CDHR3: variants seen among roughly 807,000 people sequenced by gnomAD.
CDHR3 encodes cadherin related family member 3.
A neutral mutation model predicts 86.6 loss-of-function variants in CDHR3; 79 were observed. The ratio of observed to expected loss-of-function variants is 0.91; its 90% CI spans 0.76 to 1.10. The LOEUF (loss-of-function observed/expected upper bound fraction) is 1.10. Ranked by LOEUF, CDHR3 falls within the 50% of genes least tolerant of loss-of-function variation. CDHR3 has a pLI of 0.00. For synonymous variants in CDHR3, 421 were observed against 402.4 expected, an observed-to-expected ratio of 1.05 and a Z score of -0.55; for missense variants, 1,081 against 1,077.6, an observed-to-expected ratio of 1.00 and a Z score of -0.04.
chr7:105,992,057 C>A (rs768242394), intron 4 of CDHR3, among the ~76,000 whole-genome samples: 1 of 152,202 alleles, frequency 6.6e-6, no homozygotes, highest in Non-Finnish European at 1.5e-5. Flanking sequence ...AAGAGTCCTT[C>A]TTCTCAGTTC....
intron 9 of CDHR3, 108 bp from the exon 10 acceptor site, chr7:106,015,003 G>T: frequency 1.2e-6 from 1 of 811,704 alleles, no homozygotes. Context: ...TTTGCCAAAA[G>T]CGTTTTGCCA....
intron 12 of CDHR3, among the ~76,000 whole-genome samples, chr7:106,018,644 G>T (rs746921250): frequency 4.6e-5 from 7 of 152,156 alleles, no homozygotes; most frequent in Non-Finnish European, 8.8e-5. Flanking sequence ...GTGGGACAAG[G>T]TTCCTCTTGT....
At position 106,028,562 on chromosome 7, in the gene CDHR3, G is replaced by A. The variant is rs1442406712; in HGVS notation, c.2284G>A (p.Ala762Thr). ...PLTKKGETKTAERDVVVETIQ... is the reference protein window; with the variant it reads ...PLTKKGETKTTERDVVVETIQ... Reference sequence around the variant, plus strand: ...TCTGTTCTCTGCAGAAACGAAGACTGCAGAGAGAGACGTCGTGGTGGTGAG... The same window carrying A: ...TCTGTTCTCTGCAGAAACGAAGACTACAGAGAGAGACGTCGTGGTGGTGAG... Residue 762 changes from alanine to threonine, a missense_variant, in exon 17 of 19, where the codon GCA (alanine) becomes ACA (threonine). Physicochemically the swap from Ala to Thr is moderately conservative, Grantham distance 58. Coordinates refer to ENST00000317716, the MANE Select transcript of CDHR3 (RefSeq NM_152750.5). 6.2e-7 allele frequency: 1 copy of A among 1,613,978 alleles called. No homozygotes were observed. The highest frequency in any genetic ancestry group is 1.1e-5 in the South Asian group (1 of 91,076).
At chr7:105,978,437 G>A (rs574455476) in intron 2 of CDHR3, among the ~76,000 whole-genome samples, 5 of 152,176 alleles carry the variant, frequency 3.3e-5, no homozygotes, top group South Asian at 2.1e-4. Flanking sequence ...AAATGTGCTC[G>A]GCCTTATCCA....
At chr7:105,969,397 C>CAAAAAAA in intron 1 of CDHR3, among the ~76,000 whole-genome samples, 1 of 79,818 alleles carries the variant, frequency 1.3e-5, no homozygotes, top group Non-Finnish European at 2.2e-5. Context: ...GACTCCGTCT[C>CAAAAAAA]AAAAAAAAAA....
At chr7:105,991,573 C>A (rs1831365477) in intron 4 of CDHR3, among the ~76,000 whole-genome samples, 1 of 152,138 alleles carries the variant, frequency 6.6e-6, no homozygotes, top group South Asian at 2.1e-4. Context: ...GATTTTAAAG[C>A]CAAGTCTAGC....
Position 106,034,810 on chromosome 7 carries a change from G to T in CDHR3, c.*2113G>T, listed in dbSNP as rs1838775491. Reference sequence around the variant, plus strand: ...ATGATTAAAAGGGCCGGGTGAGGTGGCTCATGCCTGTAATCCCAGCACTCT... The same window carrying T: ...ATGATTAAAAGGGCCGGGTGAGGTGTCTCATGCCTGTAATCCCAGCACTCT... On this transcript the variant is annotated 3_prime_UTR_variant, in exon 19 of 19. Transcript: ENST00000317716. Among the ~76,000 whole-genome samples the T allele has an allele frequency of 6.6e-6, 1 of 152,228 alleles. No individual in the cohort carries two copies. Among genetic ancestry groups the T allele is most frequent in the Admixed American group, 6.5e-5 (1 of 15,292 alleles).
Position 106,020,535 on chromosome 7 carries a change from A to G in CDHR3, c.1816A>G (p.Ile606Val), listed in dbSNP as rs2115878342. The change falls in exon 13 of 19, where the codon ATT becomes GTT. Residue 606 changes from isoleucine to valine, a missense_variant. Physicochemically the swap from Ile to Val is conservative, Grantham distance 29 (BLOSUM62 3). Coordinates refer to ENST00000317716, the MANE Select transcript of CDHR3 (RefSeq NM_152750.5). The stretch of plus-strand genomic sequence containing the variant: ...CAGCCCCAGATCTTTCCGTTATTCC[A>G]TTGGCCCAGGTATAGTACTTGGTGT... ...DSSPRSFRYSIGPGNVNNHFT... is the reference protein window; with the variant it reads ...DSSPRSFRYSVGPGNVNNHFT... 6.2e-7 allele frequency: 1 copy of G among 1,613,460 alleles called. No homozygotes were observed. Among genetic ancestry groups the G allele is most frequent in the Non-Finnish European group, 8.5e-7 (1 of 1,179,560 alleles).
intron 4 of CDHR3, among the ~76,000 whole-genome samples, chr7:105,994,441 T>C (rs796369906): frequency 1.1e-4 from 17 of 152,184 alleles, no homozygotes; most frequent in African/African-American, 4.1e-4. Context: ...AACACAGTGA[T>C]AGGGATAAGA....
chr7:106,012,223 A>G (rs968289540), intron 8 of CDHR3, among the ~76,000 whole-genome samples: 1 of 152,208 alleles, frequency 6.6e-6, no homozygotes, highest in Non-Finnish European at 1.5e-5. Context: ...CAGAATAAAT[A>G]AGAGAAATAT....
chr7:105,979,313 T>A (rs1829286085), intron 2 of CDHR3, among the ~76,000 whole-genome samples: 1 of 152,158 alleles, frequency 6.6e-6, no homozygotes, highest in African/African-American at 2.4e-5. Context: ...GACCAGTTCA[T>A]CTACACTTAC....
chr7:105,987,010 T>C (rs554229360), intron 4 of CDHR3, among the ~76,000 whole-genome samples: 1 of 152,328 alleles, frequency 6.6e-6, no homozygotes, highest in African/African-American at 2.4e-5. Context: ...GTGGAAAGAA[T>C]TTCAGTTGTG....
intron 16 of CDHR3, 117 bp from the exon 17 acceptor site, chr7:106,028,434 T>A (rs1311812606): frequency 9.0e-7 from 1 of 1,113,512 alleles, no homozygotes; most frequent in Non-Finnish European, 1.3e-6. Flanking sequence ...AATTCTTTGC[T>A]GTGTCTGCAA....
In CDHR3 at chr7:106,017,908, T is replaced by C; in HGVS notation, c.1489T>C (p.Tyr497His). 1 of 1,609,584 alleles carries C rather than the reference T, an allele frequency of 6.2e-7. No homozygotes were observed. The highest frequency in any genetic ancestry group is 1.7e-4 in the Middle Eastern group (1 of 6,040). Residue 497 changes from tyrosine to histidine, a missense_variant, in exon 12 of 19, where the codon TAC (tyrosine) becomes CAC (histidine). Transcript: ENST00000317716. ...DKDLPQSSLL[Y>H]SISTGGASLQ... ...AGACCTCCCCCAGAGCAGCCTCCTGTACTCCATCTCCACTGGAGGGGCCAG... is the reference window on the plus strand; with the variant it reads ...AGACCTCCCCCAGAGCAGCCTCCTGCACTCCATCTCCACTGGAGGGGCCAG...
chr7:106,025,255 A>G (rs1837185803), intron 15 of CDHR3, among the ~76,000 whole-genome samples: 1 of 152,192 alleles, frequency 6.6e-6, no homozygotes, highest in African/African-American at 2.4e-5. Flanking sequence ...AGCTCTTACA[A>G]CTTACAGCTT....
rs1836702272 is a variant in CDHR3, at chr7:106,022,368, G to C, written c.1996G>C (p.Ala666Pro). Reference sequence around the variant, plus strand: ...GATGTCTGACAGGAAGAAAGCGGAGGCTCTTGTTGAGACAGGAACAGTGAC... The same window carrying C: ...GATGTCTGACAGGAAGAAAGCGGAGCCTCTTGTTGAGACAGGAACAGTGAC... ...NLMSDRKKAEALVETGTVTLS... is the reference protein window; with the variant it reads ...NLMSDRKKAEPLVETGTVTLS... The change falls in exon 14 of 19, where the codon GCT becomes CCT. Residue 666 changes from alanine to proline, a missense_variant. Ala to Pro is a conservative substitution (Grantham distance 27). Transcript: ENST00000317716. The C allele has an allele frequency of 6.2e-7, 1 of 1,613,866 alleles. No individual in the cohort carries two copies. Among genetic ancestry groups the C allele is most frequent in the Non-Finnish European group, 8.5e-7 (1 of 1,179,886 alleles).
At chr7:106,015,838 C>T (rs1327367209) in intron 10 of CDHR3, 89 bp from the exon 11 acceptor site, 1 of 977,474 alleles carries the variant, frequency 1.0e-6, no homozygotes, top group African/African-American at 1.6e-5. Context: ...TGCGCAAAGC[C>T]TGTACACAGG....
intron 1 of CDHR3, among the ~76,000 whole-genome samples, chr7:105,969,644 A>G (rs1304167067): frequency 1.3e-5 from 2 of 152,304 alleles, no homozygotes; most frequent in East Asian, 3.9e-4. Flanking sequence ...TTGTGCATAC[A>G]TTGGCTGTTC....
intron 9 of CDHR3, among the ~76,000 whole-genome samples, chr7:106,013,983 C>A (rs1245825987): frequency 1.3e-5 from 2 of 151,810 alleles, no homozygotes; most frequent in African/African-American, 4.8e-5. Context: ...TTTTAAGAGA[C>A]CATGTCTCGC....
Sources: gnomAD v4.1 joint callset for allele counts (sites outside exome capture counted in the v4.1 genomes callset) on GRCh38, gnomAD v4.1.1 for gene constraint, MANE v1.5 for transcripts, NCBI Gene and HGNC (gene_info 2026-07-23, HGNC 2026-07-21) for gene names.